Variants in ZNF718 observed in about 807,000 individuals in gnomAD.
ZNF718 encodes zinc finger protein 718.
A neutral mutation model predicts 2.6 loss-of-function variants in ZNF718; 3 were observed. That is an observed-to-expected ratio of 1.16 (90% CI 0.53 to 3.01). The LOEUF (loss-of-function observed/expected upper bound fraction) is 3.01. Ranked by LOEUF, ZNF718 falls within the 30% of genes most tolerant of loss-of-function variation. The pLI is 0.03. For synonymous variants in ZNF718, 135 were observed against 77.9 expected (o/e 1.73, Z -3.86); for missense variants, 468 against 230.0 (o/e 2.03, Z -6.69).
chr4:192,950 A>G (rs1717721360), intron 3 of ZNF718, among the ~76,000 whole-genome samples: 1 of 152,190 alleles, frequency 6.6e-6, no homozygotes, highest in Admixed American at 6.5e-5. Context: ...TGATTTGGCC[A>G]TCTGATGGGT....
intron 3 of ZNF718, among the ~76,000 whole-genome samples, chr4:158,379 T>C (rs1553814139): frequency 6.6e-6 from 1 of 151,986 alleles, no homozygotes; most frequent in Non-Finnish European, 1.5e-5. Flanking sequence ...TTTAAATAAT[T>C]TGCTGACAGA....
intron 3 of ZNF718, among the ~76,000 whole-genome samples, chr4:137,241 T>TA (rs1309889771): frequency 1.4e-4 from 20 of 146,802 alleles, no homozygotes; most frequent in Middle Eastern, 3.5e-3. Flanking sequence ...AACCTTTTTC[T>TA]AAAAAAAAAA....
intron 3 of ZNF718, among the ~76,000 whole-genome samples, chr4:143,115 G>C (rs1307717970): frequency 6.6e-6 from 1 of 152,182 alleles, no homozygotes; most frequent in Non-Finnish European, 1.5e-5. Flanking sequence ...AATCCAAAAT[G>C]ATGGTAACTG....
chr4:196,334 G>A (rs1349135759), intron 3 of ZNF718, among the ~76,000 whole-genome samples: 1 of 152,190 alleles, frequency 6.6e-6, no homozygotes, highest in East Asian at 1.9e-4. Context: ...AGAGCTGTAT[G>A]CCTAAATTGG....
chr4:138,040 G>T (rs1715650079), intron 3 of ZNF718, among the ~76,000 whole-genome samples: 1 of 151,932 alleles, frequency 6.6e-6, no homozygotes, highest in Non-Finnish European at 1.5e-5. Flanking sequence ...TGTATCTATG[G>T]GTTACATGAG....
chr4:177,379 G>A (rs1315769206), intron 3 of ZNF718, among the ~76,000 whole-genome samples: 1 of 152,014 alleles, frequency 6.6e-6, no homozygotes, highest in Non-Finnish European at 1.5e-5. Context: ...GCTGTTTCTG[G>A]GTTAACAGAT....
intron 3 of ZNF718, among the ~76,000 whole-genome samples, chr4:173,520 G>T (rs80305868): frequency 6.6e-6 from 1 of 152,174 alleles, no homozygotes; most frequent in Non-Finnish European, 1.5e-5. Context: ...AACTAGGAAA[G>T]AAACCAATAG....
Position 132,416 on chromosome 4 carries a change from A to G in ZNF718, c.226+911A>G, listed in dbSNP as rs1354910266. Among the ~76,000 whole-genome samples, 4 of 104,376 alleles carry G rather than the reference A, an allele frequency of 3.8e-5. 2 individuals carry two copies. The highest frequency in any genetic ancestry group is 1.3e-4 in the African/African-American group (4 of 30,118). 68.5% of individuals were successfully genotyped at this position (104,376 alleles called of 152,430 possible). ...CACTTTATCACTTACAAAGGGCTAC[A>G]TGATCTGACTGCTGTTCATTGCTTT... On this transcript the variant is annotated intron_variant, in intron 3 of 3. Transcript: ENST00000510175.
intron 3 of ZNF718, among the ~76,000 whole-genome samples, chr4:156,903 G>A (rs1439201928): frequency 6.6e-6 from 1 of 152,022 alleles, no homozygotes; most frequent in Non-Finnish European, 1.5e-5. Flanking sequence ...ATAATTATGA[G>A]TGTACAAATT....
intron 3 of ZNF718, among the ~76,000 whole-genome samples, chr4:182,569 G>A (rs181802202): frequency 1.0e-3 from 152 of 151,998 alleles, no homozygotes; most frequent in African/African-American, 3.5e-3. Context: ...GAGTAGCTGG[G>A]ATCACAACAA....
At chr4:139,425 A>G (rs1433599173) in intron 3 of ZNF718, among the ~76,000 whole-genome samples, 1 of 152,226 alleles carries the variant, frequency 6.6e-6, no homozygotes, top group Non-Finnish European at 1.5e-5. Flanking sequence ...GGCAGAAAAC[A>G]TAAGACCACT....
chr4:155,638 A>G lies in ZNF718; in HGVS notation c.227-5274A>G, dbSNP rs190013870. Among the ~76,000 whole-genome samples, 272 of 152,246 alleles carry G rather than the reference A, an allele frequency of 1.8e-3. 1 individual carries two copies. The highest frequency in any genetic ancestry group is 5.9e-3 in the African/African-American group (246 of 41,540). ...CAATGCCTGCACCCCCATTGTGTCT[A>G]GGAAATAACTAACTTGCTTTTGATT... On this transcript the variant is annotated intron_variant, in intron 3 of 3. Transcript: ENST00000510175.
chr4:186,254 C>T (rs1717564219), intron 3 of ZNF718, among the ~76,000 whole-genome samples: 2 of 152,086 alleles, frequency 1.3e-5, no homozygotes, highest in African/African-American at 4.8e-5. Context: ...CTTAACTTAG[C>T]CAGATATGAA....
downstream of ZNF718, among the ~76,000 whole-genome samples, chr4:168,102 G>A (rs1717132928): frequency 1.3e-5 from 2 of 152,144 alleles, no homozygotes; most frequent in South Asian, 4.1e-4. Flanking sequence ...CATCTATTGA[G>A]ATAATCATAT....
At chr4:145,777 C>A (rs2108791059) in intron 3 of ZNF718, among the ~76,000 whole-genome samples, 1 of 152,146 alleles carries the variant, frequency 6.6e-6, no homozygotes, top group Admixed American at 6.5e-5. Flanking sequence ...TTAAAAAAAC[C>A]AAACAGCTTT....
At chr4:149,815 A>G (rs999269488) in intron 3 of ZNF718, 1 of 152,162 alleles carries the variant, frequency 6.6e-6, no homozygotes, top group African/African-American at 2.4e-5. Context: ...TGAGACAAAC[A>G]CTTTTGCAAT....
chr4:193,513 TAAGA>T (rs1553821553), intron 3 of ZNF718, among the ~76,000 whole-genome samples: 1 of 152,160 alleles, frequency 6.6e-6, no homozygotes, highest in Non-Finnish European at 1.5e-5. Flanking sequence ...TGTCTCTCCC[TAAGA>T]AAGGAGTGGG....
intron 3 of ZNF718, among the ~76,000 whole-genome samples, chr4:141,829 C>CAATT (rs1191016288): frequency 1.3e-5 from 2 of 152,062 alleles, no homozygotes; most frequent in African/African-American, 4.8e-5. Flanking sequence ...CAATACAATA[C>CAATT]AATTAAAGCT....
At chr4:188,729 C>T (rs1717619848) in intron 3 of ZNF718, among the ~76,000 whole-genome samples, 1 of 152,166 alleles carries the variant, frequency 6.6e-6, no homozygotes, top group African/African-American at 2.4e-5. Context: ...TCTCCTAATA[C>T]AAGGGTTGCA....
Sources: allele counts gnomAD v4.1 joint callset (sites outside exome capture counted in the v4.1 genomes callset), GRCh38; gene constraint gnomAD v4.1.1; transcripts MANE v1.5; gene names NCBI Gene and HGNC (gene_info 2026-07-23, HGNC 2026-07-21).